The following IL23R variants were observed in gnomAD, a reference collection of about 807,000 sequenced individuals.
IL23R encodes the protein interleukin-23 receptor.
A neutral mutation model predicts 56.9 loss-of-function variants in IL23R; 34 were observed. The ratio of observed to expected loss-of-function variants is 0.60; its 90% CI spans 0.45 to 0.80. IL23R has a LOEUF of 0.80. Ranked by LOEUF, IL23R falls within the 30% of genes least tolerant of loss-of-function variation. IL23R has a pLI of 0.00. For synonymous variants in IL23R, 230 were observed against 249.2 expected (o/e 0.92, Z 0.73); for missense variants, 635 against 730.0 (o/e 0.87, Z 1.50).
chr1:67,249,107 C>G (rs1652450499), intron 9 of IL23R, among the ~76,000 whole-genome samples: 1 of 152,250 alleles, frequency 6.6e-6, no homozygotes, highest in Non-Finnish European at 1.5e-5. Context: ...TGTTCCTATT[C>G]AGCCACCTTG....
chr1:67,216,281 A>G (rs746258809), intron 6 of IL23R, among the ~76,000 whole-genome samples: 6 of 152,162 alleles, frequency 3.9e-5, no homozygotes, highest in Non-Finnish European at 8.8e-5. Context: ...TTGCATCTCC[A>G]TTGATTTTTA....
chr1:67,223,756 G>T (rs1056649509), intron 7 of IL23R, among the ~76,000 whole-genome samples: 1 of 151,834 alleles, frequency 6.6e-6, no homozygotes, highest in African/African-American at 2.4e-5. Context: ...TGATTTCATG[G>T]CTGCACGGCA....
At chr1:67,218,962 C>T (rs1416465064) in intron 6 of IL23R, among the ~76,000 whole-genome samples, 1 of 150,854 alleles carries the variant, frequency 6.6e-6, no homozygotes, top group Non-Finnish European at 1.5e-5. Context: ...TATATATACA[C>T]ACACACACAT....
At chr1:67,147,571 G>A (rs1226836088) in intron 1 of IL23R, among the ~76,000 whole-genome samples, 2 of 151,918 alleles carry the variant, frequency 1.3e-5, no homozygotes, top group African/African-American at 4.8e-5. Context: ...GTGTTGGCAG[G>A]CACCTGTAAT....
chr1:67,219,355 G>A (rs765610097), intron 6 of IL23R, among the ~76,000 whole-genome samples: 27 of 152,136 alleles, frequency 1.8e-4, no homozygotes, highest in Non-Finnish European at 2.5e-4. Context: ...GCAATAGAGC[G>A]AGACTCCATC....
chr1:67,258,501 T>C lies in IL23R; in HGVS notation c.1263T>C (p.Asn421=). 6.3e-7 allele frequency: 1 copy of C among 1,597,908 alleles called. No individual in the cohort carries two copies. The highest frequency in any genetic ancestry group is 8.5e-7 in the Non-Finnish European group (1 of 1,173,170). ...MLQENSELMN[N]NSSEQVLYVD... is the part of the protein sequence containing the mutation. ...AGGAAAATAGTGAACTTATGAATAA[T>C]AATTCCAGTGAGCAGGTCCTATATG... The change falls in exon 11 of 11, where the codon AAT becomes AAC. Residue 421 remains asparagine (N), a synonymous_variant. Transcript: ENST00000347310.
intron 1 of IL23R, among the ~76,000 whole-genome samples, chr1:67,146,160 T>C (rs1180596816): frequency 2.6e-5 from 4 of 152,182 alleles, no homozygotes; most frequent in Non-Finnish European, 5.9e-5. Flanking sequence ...GTCAACATCA[T>C]GTAGGCCAAA....
At chr1:67,153,571 G>C (rs1399868215) in intron 1 of IL23R, among the ~76,000 whole-genome samples, 2 of 152,064 alleles carry the variant, frequency 1.3e-5, no homozygotes, top group Non-Finnish European at 2.9e-5. Flanking sequence ...CCAGCTTTGT[G>C]ATGTTGGCAT....
At chr1:67,145,767 T>C (rs893759530) in intron 1 of IL23R, among the ~76,000 whole-genome samples, 3 of 152,216 alleles carry the variant, frequency 2.0e-5, no homozygotes, top group African/African-American at 7.2e-5. Flanking sequence ...CTGGCTGTGG[T>C]GGCTTGTTTA....
At chr1:67,233,930 TGTG>T (rs1281663339) in intron 7 of IL23R, among the ~76,000 whole-genome samples, 18 of 5,958 alleles carry the variant, frequency 3.0e-3, no homozygotes, top group African/African-American at 4.0e-3. Context: ...TCATAAAGGC[TGTG>T]TGTGTGTGTG....
intron 1 of IL23R, among the ~76,000 whole-genome samples, chr1:67,148,165 A>G (rs1407594623): frequency 6.6e-6 from 1 of 152,272 alleles, no homozygotes; most frequent in Non-Finnish European, 1.5e-5. Flanking sequence ...TCGCTGGGTC[A>G]GAAACGCAGT....
At chr1:67,190,996 T>C (rs1283743389) in intron 4 of IL23R, among the ~76,000 whole-genome samples, 1 of 152,214 alleles carries the variant, frequency 6.6e-6, no homozygotes, top group Admixed American at 6.5e-5. Context: ...GGACTCAAAA[T>C]GTAGTTTATA....
chr1:67,242,534 A>G (rs1651921138), intron 9 of IL23R, among the ~76,000 whole-genome samples: 1 of 152,076 alleles, frequency 6.6e-6, no homozygotes, highest in African/African-American at 2.4e-5. Flanking sequence ...TTCTTGGGAG[A>G]AGCTGTCCTG....
intron 7 of IL23R, among the ~76,000 whole-genome samples, chr1:67,222,384 T>A (rs1329842056): frequency 2.0e-5 from 3 of 152,230 alleles, no homozygotes; most frequent in African/African-American, 7.2e-5. Flanking sequence ...CCCAAAGTGC[T>A]GGGATTACAG....
chr1:67,244,376 A>G (rs1652054790), intron 9 of IL23R, among the ~76,000 whole-genome samples: 1 of 151,806 alleles, frequency 6.6e-6, no homozygotes, highest in Middle Eastern at 3.4e-3. Flanking sequence ...TTCATCATGA[A>G]CTCTTTGCCC....
In IL23R at chr1:67,150,248, CTTT is replaced by C. The variant is rs552806817; in HGVS notation, c.-634+11108_-634+11110del. Among the ~76,000 whole-genome samples the C allele has an allele frequency of 1.9e-3, 214 of 110,248 alleles. 2 individuals carry two copies. The highest frequency in any genetic ancestry group is 4.1e-3 in the Admixed American group (40 of 9,846). The allele number at this position is 110,248 out of a possible 152,430, so 72.3% of individuals were successfully genotyped here. On this transcript the variant is annotated intron_variant, in intron 1 of 10. Transcript: ENST00000637002. ...TTATCTAGATAACAGGCATTTCGAA[CTTT>C]TTTTTTTTTTTTTTTTTTTTACTTT... is the stretch of plus-strand genomic sequence containing the variant.
intron 7 of IL23R, among the ~76,000 whole-genome samples, chr1:67,220,215 G>A (rs759262479): frequency 1.3e-5 from 2 of 151,560 alleles, no homozygotes; most frequent in Non-Finnish European, 2.9e-5. Flanking sequence ...CTAAAAATAC[G>A]AAAATTAGCT....
chr1:67,165,467 T>C (rs1234470563), upstream of IL23R, among the ~76,000 whole-genome samples: 1 of 152,226 alleles, frequency 6.6e-6, no homozygotes, highest in Non-Finnish European at 1.5e-5. Context: ...CTTCTGGATC[T>C]ATAGTCCCCC....
At chr1:67,262,003 A>C (rs537961418), downstream of IL23R, among the ~76,000 whole-genome samples, 2 of 152,198 alleles carry the variant, frequency 1.3e-5, no homozygotes, top group Non-Finnish European at 2.9e-5. Context: ...TGGACTAGAA[A>C]TTGAGGCTAT....
Sources: gnomAD v4.1 joint callset for allele counts (sites outside exome capture counted in the v4.1 genomes callset) on GRCh38, gnomAD v4.1.1 for gene constraint, MANE v1.5 for transcripts, NCBI Gene and HGNC (gene_info 2026-07-23, HGNC 2026-07-21) for gene names.